Variants in KIF20B observed in about 807,000 individuals in gnomAD.
The protein encoded by KIF20B is kinesin family member 20B, also known as kinesin-like protein KIF20B.
KIF20B carries 188 observed loss-of-function variants against 232.5 expected under a neutral mutation model. The ratio of observed to expected loss-of-function variants is 0.81; its 90% CI spans 0.72 to 0.91. KIF20B has a LOEUF of 0.91. KIF20B is among the 40% of genes least tolerant of loss of function. KIF20B has a pLI of 0.00. For synonymous variants in KIF20B, 712 were observed against 683.0 expected, an observed-to-expected ratio of 1.04 and a Z score of -0.66; for missense variants, 2,154 against 2,055.9, an observed-to-expected ratio of 1.05 and a Z score of -0.92.
chr10:89,717,839 G>A (rs1479227779), intron 11 of KIF20B, 117 bp downstream of exon 11: 3 of 611,594 alleles, frequency 4.9e-6, no homozygotes, highest in South Asian at 2.5e-5. Flanking sequence ...TGTAATGACT[G>A]TGTATAGATT....
intron 21 of KIF20B, among the ~76,000 whole-genome samples, chr10:89,739,407 A>G (rs906605622): frequency 2.6e-5 from 4 of 152,190 alleles, no homozygotes; most frequent in Non-Finnish European, 5.9e-5. Flanking sequence ...GAGAATGTGC[A>G]GTATGATTTT....
At chr10:89,759,361 G>A (rs1842193375) in intron 27 of KIF20B, among the ~76,000 whole-genome samples, 1 of 152,088 alleles carries the variant, frequency 6.6e-6, no homozygotes, top group Non-Finnish European at 1.5e-5. Context: ...CCTTGAGACT[G>A]GAAATCCTGA....
intron 25 of KIF20B, 97 bp downstream of exon 25, chr10:89,752,788 T>C: frequency 1.2e-6 from 1 of 833,160 alleles, no homozygotes; most frequent in Non-Finnish European, 1.7e-6. Flanking sequence ...GTAATTCACT[T>C]AGATATGGGT....
At chr10:89,755,662 T>A (rs756422290) in intron 26 of KIF20B, among the ~76,000 whole-genome samples, 28 of 151,986 alleles carry the variant, frequency 1.8e-4, no homozygotes, top group Non-Finnish European at 3.7e-4. Flanking sequence ...GGTGCAGTCA[T>A]GGCTCACTGC....
intron 18 of KIF20B, among the ~76,000 whole-genome samples, chr10:89,730,968 T>G (rs1215582877): frequency 6.6e-6 from 1 of 152,090 alleles, no homozygotes; most frequent in Non-Finnish European, 1.5e-5. Flanking sequence ...GGACTTCGAT[T>G]TACGGTAGTA....
In KIF20B at chr10:89,726,255, A is replaced by G. The variant is rs1035208360; in HGVS notation, c.2002-38A>G. On this transcript the variant is annotated intron_variant, in intron 15 of 32. Coordinates refer to ENST00000371728, the MANE Select transcript of KIF20B (RefSeq NM_001284259.2). ...GTACCACATGTAAAGGGTGAACCCT[A>G]CTGTTAATATTAGGCATGTGGTTTT... 13 of 1,519,988 alleles carry G rather than the reference A, an allele frequency of 8.6e-6. No individual in the cohort carries two copies. In the African/African-American group the frequency reaches 1.7e-4, roughly 19 times the overall value. 94.2% of individuals were successfully genotyped at this position (1,519,988 alleles called of 1,614,324 possible). A position where few individuals can be genotyped will look rare whatever the true frequency, so the allele number is the denominator to read the frequency against.
At chr10:89,759,769 G>A (rs1842199690) in intron 27 of KIF20B, among the ~76,000 whole-genome samples, 1 of 152,086 alleles carries the variant, frequency 6.6e-6, no homozygotes, top group Non-Finnish European at 1.5e-5. Flanking sequence ...TACTCCAGTG[G>A]AAATCAATAT....
chr10:89,712,357 G>T (rs1443975662), intron 6 of KIF20B, among the ~76,000 whole-genome samples: 3 of 151,934 alleles, frequency 2.0e-5, no homozygotes, highest in Non-Finnish European at 2.9e-5. Context: ...GGGCACAAGT[G>T]ATTCTCCTGC....
intron 29 of KIF20B, 62 bp downstream of exon 29, chr10:89,762,897 T>C (rs1686679665): frequency 7.9e-7 from 1 of 1,270,172 alleles, no homozygotes. Context: ...TGTTATAGTA[T>C]AGAGTTAAAC....
chr10:89,774,083 G>A lies in KIF20B; in HGVS notation c.*35G>A. The A allele has an allele frequency of 7.5e-7, 1 of 1,341,674 alleles. No homozygotes were observed. Among genetic ancestry groups the A allele is most frequent in the South Asian group, 1.5e-5 (1 of 68,728 alleles). The allele number at this position is 1,341,674 out of a possible 1,614,324, so 83.1% of individuals were successfully genotyped here. On this transcript the variant is annotated 3_prime_UTR_variant, in exon 33 of 33. Transcript: ENST00000371728. Reference sequence around the variant, plus strand: ...GGAAATGTTTAATATAAATTTTATAGTCATAGTCATTGGAACTTGCATCCT... The same window carrying A: ...GGAAATGTTTAATATAAATTTTATAATCATAGTCATTGGAACTTGCATCCT...
chr10:89,751,702 A>G (rs2077946), intron 24 of KIF20B, among the ~76,000 whole-genome samples: 46,841 of 151,736 alleles, frequency 0.31, 8,128 homozygotes, highest in African/African-American at 0.46. Context: ...CTTACGAATT[A>G]TATATTGCAA....
chr10:89,716,567 A>G lies in KIF20B; in HGVS notation c.1052+20A>G. 8.6e-7 allele frequency: 1 copy of G among 1,169,256 alleles called. No individual in the cohort carries two copies. Among genetic ancestry groups the G allele is most frequent in the East Asian group, 2.3e-5 (1 of 42,640 alleles). 72.4% of individuals were successfully genotyped at this position (1,169,256 alleles called of 1,614,324 possible). Reference sequence around the variant, plus strand: ...TAGAAGGTAAAGAATAAACTCTGTAAGAGTAAACTCGAATCACCGATAGTA... The same window carrying G: ...TAGAAGGTAAAGAATAAACTCTGTAGGAGTAAACTCGAATCACCGATAGTA... On this transcript the variant is annotated intron_variant, in intron 9 of 32. Transcript: ENST00000371728.
chr10:89,760,120 C>T (rs1842207198), intron 27 of KIF20B, among the ~76,000 whole-genome samples: 1 of 152,168 alleles, frequency 6.6e-6, no homozygotes, highest in South Asian at 2.1e-4. Context: ...TGTTGGGATA[C>T]TGAGCAATTC....
intron 16 of KIF20B, among the ~76,000 whole-genome samples, 153 bp downstream of exon 16, chr10:89,726,674 C>G (rs577657973): frequency 6.6e-6 from 1 of 152,168 alleles, no homozygotes; most frequent in African/African-American, 2.4e-5. Context: ...ATTTGTATGA[C>G]TTTGTAGTAA....
chr10:89,734,725 A>T (rs924498800), intron 19 of KIF20B, among the ~76,000 whole-genome samples: 1 of 152,218 alleles, frequency 6.6e-6, no homozygotes, highest in Non-Finnish European at 1.5e-5. Context: ...ACTAGGATGC[A>T]CAAGAGCCTG....
At chr10:89,745,528 C>CAAAT (rs781667602) in intron 22 of KIF20B, among the ~76,000 whole-genome samples, 96 of 151,916 alleles carry the variant, frequency 6.3e-4, no homozygotes, top group African/African-American at 2.2e-3. Flanking sequence ...ATCTCAAAAA[C>CAAAT]AAACAAATAA....
chr10:89,768,321 C>A lies in KIF20B; in HGVS notation c.5021C>A (p.Ala1674Asp). 6.3e-7 allele frequency: 1 copy of A among 1,586,596 alleles called. No individual in the cohort carries two copies. Among genetic ancestry groups the A allele is most frequent in the Non-Finnish European group, 8.6e-7 (1 of 1,163,886 alleles). ...GTGAAATGTGAAAATAAGAAGAATGCTACACCCAGAACTAATTTGAAATTT... is the reference window on the plus strand; with the variant it reads ...GTGAAATGTGAAAATAAGAAGAATGATACACCCAGAACTAATTTGAAATTT... ...DLVKCENKKNATPRTNLKFPI... is the reference protein window; with the variant it reads ...DLVKCENKKNDTPRTNLKFPI... The change falls in exon 30 of 33, where the codon GCT becomes GAT. Residue 1674 changes from alanine to aspartate, a missense_variant. Ala to Asp is a moderately radical substitution (Grantham distance 126). Transcript: ENST00000371728.
chr10:89,741,647 A>G lies in KIF20B; in HGVS notation c.3916-2161A>G, dbSNP rs141033134. ...TAAGAAAACAGACATTGAGGGATAC[A>G]GTAGTCTCCCTTTACTGGCAGTTTT... On this transcript the variant is annotated intron_variant, in intron 21 of 32. Transcript: ENST00000371728. Among the ~76,000 whole-genome samples, 22 of 152,320 alleles carry G rather than the reference A, an allele frequency of 1.4e-4. No homozygotes were observed. In the East Asian group the frequency reaches 4.2e-3, roughly 29 times the overall value.
chr10:89,768,796 T>C lies in KIF20B; in HGVS notation c.5150T>C (p.Ile1717Thr). 1 of 1,608,488 alleles carries C rather than the reference T, an allele frequency of 6.2e-7. No homozygotes were observed. Among genetic ancestry groups the C allele is most frequent in the African/African-American group, 1.3e-5 (1 of 74,642 alleles). ...TCTTTACGGAGTCAGGCATCCATAA[T>C]TGGTGTAAACCTGGCCACTAAGAAA... Reference protein sequence around the residue: ...TYSLRSQASIIGVNLATKKKE... With the variant: ...TYSLRSQASITGVNLATKKKE... The change falls in exon 31 of 33, where the codon ATT becomes ACT. Residue 1717 changes from isoleucine to threonine, a missense_variant. Coordinates refer to ENST00000371728, the MANE Select transcript of KIF20B (RefSeq NM_001284259.2).
Sources: gnomAD v4.1 joint callset for allele counts (sites outside exome capture counted in the v4.1 genomes callset) on GRCh38, gnomAD v4.1.1 for gene constraint, MANE v1.5 for transcripts, NCBI Gene and HGNC (gene_info 2026-07-23, HGNC 2026-07-21) for gene names.